Variants in CMSS1 observed in about 807,000 individuals in gnomAD.
The protein encoded by CMSS1 is cms1 ribosomal small subunit homolog.
In CMSS1, 33 loss-of-function variants were observed where a neutral mutation model predicts 43.5. The ratio of observed to expected loss-of-function variants is 0.76; its 90% confidence interval spans 0.57 to 1.01. CMSS1 has a LOEUF of 1.01. Among genes scored for constraint, CMSS1 ranks in the 50% least tolerant of loss-of-function variants. The pLI, the probability that CMSS1 is intolerant of heterozygous loss-of-function variation, is 0.00. For synonymous variants in CMSS1, 115 were observed against 117.2 expected, an observed-to-expected ratio of 0.98 and a Z score of 0.12; for missense variants, 313 against 326.4, an observed-to-expected ratio of 0.96 and a Z score of 0.32.
At chr3:99,959,346 C>T (rs1302326654) in intron 1 of CMSS1, among the ~76,000 whole-genome samples, 2 of 152,184 alleles carry the variant, frequency 1.3e-5, no homozygotes, top group African/African-American at 2.4e-5. Flanking sequence ...GGCGGGGTTT[C>T]GCCATGCTGG....
At chr3:100,011,968 T>C (rs1224514127) in intron 1 of CMSS1, among the ~76,000 whole-genome samples, 1 of 152,246 alleles carries the variant, frequency 6.6e-6, no homozygotes, top group African/African-American at 2.4e-5. Context: ...ATTGTGTGGC[T>C]GCTTTCTGAT....
chr3:100,177,207 C>G (rs1169432109), intron 9 of CMSS1, among the ~76,000 whole-genome samples: 1 of 152,158 alleles, frequency 6.6e-6, no homozygotes, highest in African/African-American at 2.4e-5. Flanking sequence ...ATTGACCAAA[C>G]CTGATTATAA....
At chr3:100,153,546 T>G (rs762961862) in intron 2 of CMSS1, among the ~76,000 whole-genome samples, 2 of 152,224 alleles carry the variant, frequency 1.3e-5, no homozygotes, top group Non-Finnish European at 2.9e-5. Context: ...GATGGCCTTC[T>G]CACTATGTCT....
intron 1 of CMSS1, among the ~76,000 whole-genome samples, chr3:100,120,267 G>T (rs1349006837): frequency 3.9e-5 from 6 of 152,160 alleles, no homozygotes; most frequent in Non-Finnish European, 7.4e-5. Flanking sequence ...TCATCGTTCA[G>T]TAGCCTTGTT....
At chr3:99,994,711 G>C (rs560704768) in intron 1 of CMSS1, among the ~76,000 whole-genome samples, 1 of 152,266 alleles carries the variant, frequency 6.6e-6, no homozygotes, top group African/African-American at 2.4e-5. Flanking sequence ...GCACTCCCAC[G>C]TGGCTGGGGA....
At chr3:100,115,086 G>C in intron 1 of CMSS1, 1 of 913,396 alleles carries the variant, frequency 1.1e-6, no homozygotes, top group East Asian at 2.7e-5. Flanking sequence ...AAAATTTGAA[G>C]CATCTAATTT....
At chr3:99,883,115 C>A (rs150796813) in intron 1 of CMSS1, among the ~76,000 whole-genome samples, 1 of 152,150 alleles carries the variant, frequency 6.6e-6, no homozygotes, top group Non-Finnish European at 1.5e-5. Flanking sequence ...CTTGTGTCTA[C>A]GCTTAGATTG....
chr3:100,036,097 A>G (rs1376482549), intron 1 of CMSS1, among the ~76,000 whole-genome samples: 4 of 152,216 alleles, frequency 2.6e-5, no homozygotes. Flanking sequence ...TAAACTTAAT[A>G]TAAAAGGAAT....
intron 1 of CMSS1, among the ~76,000 whole-genome samples, chr3:99,826,562 G>A (rs1404558226): frequency 1.3e-5 from 2 of 152,182 alleles, no homozygotes; most frequent in Non-Finnish European, 2.9e-5. Flanking sequence ...ACAGTGGGTT[G>A]AATTTGGCCT....
intron 1 of CMSS1, among the ~76,000 whole-genome samples, chr3:99,990,301 G>T (rs2107129221): frequency 6.6e-6 from 1 of 152,222 alleles, no homozygotes; most frequent in South Asian, 2.1e-4. Context: ...TGAACCAGAA[G>T]CCACAGATTG....
intron 1 of CMSS1, among the ~76,000 whole-genome samples, chr3:99,860,000 AG>A (rs1258073523): frequency 2.6e-5 from 4 of 152,210 alleles, no homozygotes; most frequent in African/African-American, 9.6e-5. Context: ...CATTTGACTT[AG>A]TCAGCAAGAT....
Position 100,172,404 on chromosome 3 carries a change from G to A in CMSS1, c.667+1G>A, listed in dbSNP as rs2067118316. The A allele has an allele frequency of 1.9e-6, 3 of 1,612,252 alleles. No individual in the cohort carries two copies. The highest frequency in any genetic ancestry group is 1.7e-6 in the Non-Finnish European group (2 of 1,178,648). The stretch of plus-strand genomic sequence containing the variant: ...AGAATTAAAGAACTTGTTAAACAAG[G>A]TATGACAAGAGGGCAGTGATACTCT... On this transcript the variant is annotated splice_donor_variant, in intron 8 of 9. Transcript: ENST00000421999. LOFTEE classifies it high-confidence loss of function.
At chr3:99,937,859 T>G (rs981361627) in intron 1 of CMSS1, among the ~76,000 whole-genome samples, 2 of 152,202 alleles carry the variant, frequency 1.3e-5, no homozygotes, top group African/African-American at 2.4e-5. Flanking sequence ...AGGCACTGTT[T>G]TAAGTGCTTC....
At position 100,166,408 on chromosome 3, in the gene CMSS1, G is replaced by C; in HGVS notation, c.415+14G>C. 6.6e-7 allele frequency: 1 copy of C among 1,509,396 alleles called. No homozygotes were observed. The highest frequency in any genetic ancestry group is 9.2e-7 in the Non-Finnish European group (1 of 1,086,334). 93.5% of individuals were successfully genotyped at this position (1,509,396 alleles called of 1,614,324 possible). On this transcript the variant is annotated intron_variant, in intron 5 of 9. Coordinates refer to ENST00000421999, the MANE Select transcript of CMSS1 (RefSeq NM_032359.4). ...ACCTAAAAGAAAGTAAGTAAACTCTGATTTTAATCTATTTAAACTCATTCT... is the reference window on the plus strand; with the variant it reads ...ACCTAAAAGAAAGTAAGTAAACTCTCATTTTAATCTATTTAAACTCATTCT...
chr3:99,875,958 A>G (rs1481385409), intron 1 of CMSS1: 4 of 704,918 alleles, frequency 5.7e-6, no homozygotes, highest in Non-Finnish European at 7.0e-6. Context: ...GCTTTGCGAA[A>G]CCTGTCTGCA....
At chr3:99,923,168 T>G (rs1707178001) in intron 1 of CMSS1, among the ~76,000 whole-genome samples, 1 of 152,074 alleles carries the variant, frequency 6.6e-6, no homozygotes, top group African/African-American at 2.4e-5. Flanking sequence ...ATTCTAGGGT[T>G]CCCTTTCAAC....
intron 1 of CMSS1, among the ~76,000 whole-genome samples, chr3:100,071,055 A>C (rs1559747468): frequency 2.8e-5 from 4 of 145,020 alleles, no homozygotes; most frequent in South Asian, 2.2e-4. Context: ...TTTAAAAGAA[A>C]GGGGTTTGTT....
At chr3:99,978,861 G>A (rs1437711981) in intron 1 of CMSS1, among the ~76,000 whole-genome samples, 2 of 152,028 alleles carry the variant, frequency 1.3e-5, no homozygotes, top group African/African-American at 4.8e-5. Context: ...CTCCAGCCTG[G>A]GCAACAGAGC....
chr3:99,985,016 G>T (rs2107740124), intron 1 of CMSS1, among the ~76,000 whole-genome samples: 1 of 152,288 alleles, frequency 6.6e-6, no homozygotes, highest in African/African-American at 2.4e-5. Flanking sequence ...ACTTAAAGGG[G>T]TTGCCGTGAG....
Sources: allele counts gnomAD v4.1 joint callset (sites outside exome capture counted in the v4.1 genomes callset), GRCh38; gene constraint gnomAD v4.1.1; transcripts MANE v1.5; gene names NCBI Gene and HGNC (gene_info 2026-07-23, HGNC 2026-07-21).